CDH13: variants seen among roughly 807,000 people sequenced by gnomAD.
The protein encoded by CDH13 is cadherin-13.
CDH13 carries 24 observed loss-of-function variants against 63.8 expected under a neutral mutation model. That is an observed-to-expected ratio of 0.38 (90% confidence interval 0.27 to 0.53). CDH13 has a LOEUF of 0.53. Ranked by LOEUF, CDH13 falls within the 20% of genes least tolerant of loss-of-function variation. The pLI, the probability that CDH13 is intolerant of heterozygous loss-of-function variation, is 0.85. For missense variants in CDH13, 1,049 were observed against 903.1 expected (o/e 1.16, Z -2.07); for synonymous variants, 503 against 355.3 (o/e 1.42, Z -4.67).
intron 7 of CDH13, among the ~76,000 whole-genome samples, chr16:83,591,764 C>T (rs1207045594): frequency 2.6e-5 from 4 of 152,208 alleles, no homozygotes; most frequent in African/African-American, 9.6e-5. Context: ...CCTGGGGAGC[C>T]ACTTATATAT....
intron 2 of CDH13, among the ~76,000 whole-genome samples, chr16:83,017,986 A>G (rs550709322): frequency 9.7e-4 from 148 of 152,348 alleles, no homozygotes; most frequent in African/African-American, 3.4e-3. Context: ...ACAGTTTGGT[A>G]AATTTTATGT....
intron 4 of CDH13, among the ~76,000 whole-genome samples, chr16:83,176,559 T>C (rs2038134068): frequency 6.7e-6 from 1 of 149,454 alleles, no homozygotes; most frequent in Non-Finnish European, 1.5e-5. Context: ...ATCTGTTCTA[T>C]AGGTGTTTTT....
intron 6 of CDH13, among the ~76,000 whole-genome samples, chr16:83,397,047 T>C (rs2091897648): frequency 1.3e-5 from 2 of 152,266 alleles, no homozygotes; most frequent in Admixed American, 1.3e-4. Flanking sequence ...AGCTGTGATC[T>C]ATGTCCTCGC....
intron 3 of CDH13, among the ~76,000 whole-genome samples, chr16:83,076,415 CCTTGG>C (rs1375948400): frequency 4.6e-5 from 7 of 152,204 alleles, no homozygotes; most frequent in Admixed American, 6.5e-5. Context: ...ACTGGTGTCT[CCTTGG>C]CTAGACAAAG....
chr16:83,726,806 C>G (rs181427838), intron 10 of CDH13, among the ~76,000 whole-genome samples: 167 of 148,170 alleles, frequency 1.1e-3, no homozygotes, highest in African/African-American at 4.0e-3. Flanking sequence ...CCACTGCGCT[C>G]CAGCCTGGGG....
intron 11 of CDH13, among the ~76,000 whole-genome samples, chr16:83,770,370 A>G (rs1597207249): frequency 6.6e-6 from 1 of 152,200 alleles, no homozygotes; most frequent in East Asian, 1.9e-4. Context: ...ACTTTATAGA[A>G]TAGCCAGAAA....
At chr16:83,148,858 T>A (rs951447218) in intron 4 of CDH13, among the ~76,000 whole-genome samples, 1 of 151,250 alleles carries the variant, frequency 6.6e-6, no homozygotes, top group Non-Finnish European at 1.5e-5. Flanking sequence ...CGCTTTCAGC[T>A]CCTTTTTATA....
At chr16:83,077,276 C>T (rs554232627) in intron 3 of CDH13, among the ~76,000 whole-genome samples, 1 of 132,060 alleles carries the variant, frequency 7.6e-6, no homozygotes, top group South Asian at 2.5e-4. Flanking sequence ...CACTGGACCT[C>T]TGCTTCCTGA....
intron 2 of CDH13, among the ~76,000 whole-genome samples, chr16:82,986,679 C>G (rs914693964): frequency 1.3e-5 from 2 of 152,186 alleles, no homozygotes; most frequent in Non-Finnish European, 2.9e-5. Context: ...ACCACACAAA[C>G]ATATCTCAAG....
chr16:82,779,967 G>A (rs1399215056), intron 1 of CDH13, among the ~76,000 whole-genome samples: 1 of 152,066 alleles, frequency 6.6e-6, no homozygotes, highest in Non-Finnish European at 1.5e-5. Context: ...ACCTTGACAG[G>A]CGCACTTTAG....
chr16:83,301,193 G>A (rs552544104), intron 5 of CDH13, among the ~76,000 whole-genome samples: 5 of 151,644 alleles, frequency 3.3e-5, no homozygotes, highest in South Asian at 4.2e-4. Context: ...CACCACGCCC[G>A]GCTAATTTTT....
At chr16:83,027,185 G>A (rs1170783772) in intron 2 of CDH13, among the ~76,000 whole-genome samples, 1 of 149,550 alleles carries the variant, frequency 6.7e-6, no homozygotes, top group East Asian at 2.0e-4. Flanking sequence ...GAGCAAAGTG[G>A]AATTATTACT....
Position 82,770,629 on chromosome 16 carries a change from A to G in CDH13, c.46-87733A>G, listed in dbSNP as rs541767145. Among the ~76,000 whole-genome samples the G allele has an allele frequency of 3.0e-4, 46 of 152,288 alleles. 1 individual carries two copies. Among genetic ancestry groups the G allele is most frequent in the African/African-American group, 9.9e-4 (41 of 41,562 alleles). On this transcript the variant is annotated intron_variant, in intron 1 of 13. Transcript: ENST00000567109. ...TCATTTCATGATTTTTAAGCAGTCAATTTTCAATTACTGCATAATATTCTT... is the reference window on the plus strand; with the variant it reads ...TCATTTCATGATTTTTAAGCAGTCAGTTTTCAATTACTGCATAATATTCTT...
intron 10 of CDH13, among the ~76,000 whole-genome samples, chr16:83,739,187 A>G (rs1038516927): frequency 6.6e-6 from 1 of 152,000 alleles, no homozygotes; most frequent in African/African-American, 2.4e-5. Flanking sequence ...TTTATGCTGA[A>G]TATCTGTTTT....
chr16:83,291,103 GC>G (rs1293245895), intron 5 of CDH13, among the ~76,000 whole-genome samples: 1 of 152,108 alleles, frequency 6.6e-6, no homozygotes, highest in Admixed American at 6.6e-5. Context: ...GTTCAAAGCG[GC>G]AAGCTACCAA....
At chr16:83,472,780 C>A (rs1300121942) in intron 6 of CDH13, among the ~76,000 whole-genome samples, 1 of 152,070 alleles carries the variant, frequency 6.6e-6, no homozygotes, top group Non-Finnish European at 1.5e-5. Flanking sequence ...TGGATCGAAT[C>A]TCCTTTTGCT....
chr16:83,140,925 C>G (rs2036503788), intron 4 of CDH13, among the ~76,000 whole-genome samples: 1 of 152,204 alleles, frequency 6.6e-6, no homozygotes, highest in South Asian at 2.1e-4. Flanking sequence ...AGATCTGCCA[C>G]ATGAAAAATG....
At chr16:83,698,431 T>C (rs1445113285) in intron 10 of CDH13, among the ~76,000 whole-genome samples, 1 of 152,226 alleles carries the variant, frequency 6.6e-6, no homozygotes, top group East Asian at 1.9e-4. Context: ...ACCGTTGGCT[T>C]TGATGAACCT....
At chr16:83,250,589 G>C (rs1026891803) in intron 5 of CDH13, among the ~76,000 whole-genome samples, 1 of 152,128 alleles carries the variant, frequency 6.6e-6, no homozygotes, top group Non-Finnish European at 1.5e-5. Flanking sequence ...CCAGTCGAGG[G>C]AACAGTTTGG....
Sources: allele counts gnomAD v4.1 joint callset (sites outside exome capture counted in the v4.1 genomes callset), GRCh38; gene constraint gnomAD v4.1.1; transcripts MANE v1.5; gene names NCBI Gene and HGNC (gene_info 2026-07-23, HGNC 2026-07-21).